Variants in PTCH2 observed in about 807,000 individuals in gnomAD.
PTCH2 encodes protein patched homolog 2.
In PTCH2, 96 loss-of-function variants were observed where a neutral mutation model predicts 117.9. The ratio of observed to expected loss-of-function variants is 0.81; its 90% CI spans 0.69 to 0.96. The LOEUF is 0.96. Among genes scored for constraint, PTCH2 ranks in the 50% least tolerant of loss-of-function variants. The probability of loss-of-function intolerance (pLI) is 0.00; values close to 1 mark genes in which losing one functional copy is unlikely to be tolerated. For synonymous variants in PTCH2, 615 were observed against 660.9 expected (o/e 0.93, Z 1.06); for missense variants, 1,379 against 1,562.5 (o/e 0.88, Z 1.98).
At position 44,823,027 on chromosome 1, in the gene PTCH2, C is replaced by G. The variant is rs1050892723; in HGVS notation, c.3357+42G>C. The G allele has an allele frequency of 6.3e-7, 1 of 1,590,028 alleles. No individual in the cohort carries two copies. The highest frequency in any genetic ancestry group is 1.8e-5 in the Admixed American group (1 of 56,378). On this transcript the variant is annotated intron_variant, in intron 21 of 21. Coordinates refer to ENST00000372192, the MANE Select transcript of PTCH2 (RefSeq NM_003738.5). The surrounding 1 kb of genome is among the most constrained non-coding windows in gnomAD (Gnocchi z 5.1). Reference sequence around the variant, plus strand: ...TCCCTTGCCTCTCCCTACCCCGTCCCTTGGGCTGGGAGTAGAGGGATGGTG... The same window carrying G: ...TCCCTTGCCTCTCCCTACCCCGTCCGTTGGGCTGGGAGTAGAGGGATGGTG...
Position 44,831,035 on chromosome 1 carries a change from G to C in PTCH2, c.626C>G (p.Pro209Arg), listed in dbSNP as rs372348401. The C allele has an allele frequency of 9.3e-6, 15 of 1,610,896 alleles. No individual in the cohort carries two copies. The African/African-American group carries it at 1.7e-4, about 19-fold the overall frequency. Residue 209 changes from proline to arginine, a missense_variant, in exon 6 of 22, where the codon CCG becomes CGG. Transcript: ENST00000372192. This position sits in a 1 kb window ranked among gnomAD's most constrained non-coding sequence, Gnocchi z 4.3. Reference sequence around the variant, plus strand: ...ATCCAGGTTGGTCCACTGGATATCCGGGCGGCCGCTGAGGGAAAAGCCTAT... The same window carrying C: ...ATCCAGGTTGGTCCACTGGATATCCCGGCGGCCGCTGAGGGAAAAGCCTAT... ...QGGSAYLPGR[P>R]DIQWTNLDPE...
At chr1:44,827,783 C>A in intron 14 of PTCH2, 60 bp downstream of exon 14, 2 of 1,611,688 alleles carry the variant, frequency 1.2e-6, no homozygotes, top group Non-Finnish European at 1.7e-6. Context: ...TGGACTAAGC[C>A]CTCTCTGCCC....
rs759340277 is a variant in PTCH2, at chr1:44,829,986, G to T, written c.858C>A (p.Phe286Leu). 1 of 1,613,918 alleles carries T rather than the reference G, an allele frequency of 6.2e-7. No homozygotes were observed. The highest frequency in any genetic ancestry group is 8.5e-7 in the Non-Finnish European group (1 of 1,179,990). ...AHELSGGCHG[F>L]SHKFMHWQEE... is the part of the protein sequence containing the mutation. The stretch of plus-strand genomic sequence containing the variant: ...CCTGCCAGTGCATGAATTTGTGGGA[G>T]AAGCCATGGCAGCCCCCACTCAGCT... The change falls in exon 7 of 22, where the codon TTC becomes TTA. Residue 286 changes from phenylalanine (F) to leucine (L), a missense_variant. Physicochemically the swap from Phe to Leu is conservative, Grantham distance 22. Coordinates refer to ENST00000372192, the MANE Select transcript of PTCH2 (RefSeq NM_003738.5).
chr1:44,828,746 G>A, intron 11 of PTCH2, 115 bp from the exon 12 acceptor site: 1 of 1,439,008 alleles, frequency 6.9e-7, no homozygotes, highest in South Asian at 1.2e-5. Flanking sequence ...TCATAACACA[G>A]TGGCTAGCAT....
In PTCH2 at chr1:44,826,874, C is replaced by T. The variant is rs749075155; in HGVS notation, c.2695+28G>A. ...AGGGCTTGTGTGGGCGAGGCTGAGG[C>T]TCTTGCCGAGCTCCCCCCAAGACTC... is the stretch of plus-strand genomic sequence containing the variant. On this transcript the variant is annotated intron_variant, in intron 17 of 21. Transcript: ENST00000372192. This position sits in a 1 kb window ranked among gnomAD's most constrained non-coding sequence, Gnocchi z 5.1. 7 of 1,613,640 alleles carry T rather than the reference C, an allele frequency of 4.3e-6. No homozygotes were observed. The African/African-American group carries it at 9.3e-5, about 22-fold the overall frequency.
At chr1:44,819,923 C>T (rs572881320), downstream of PTCH2, 9 of 153,364 alleles carry the variant, frequency 5.9e-5, no homozygotes, top group Admixed American at 4.5e-4. Context: ...TGAATAAAAA[C>T]TCACAACTTT....
Position 44,827,222 on chromosome 1 carries a change from G to A in PTCH2, c.2459C>T (p.Ala820Val), listed in dbSNP as rs140437473. ...TCCAGTCTGGATGAGCAGCTTGTAGGCCAGGGCCCCATCCTCAGAGCCATT... is the reference window on the plus strand; with the variant it reads ...TCCAGTCTGGATGAGCAGCTTGTAGACCAGGGCCCCATCCTCAGAGCCATT... The part of the protein sequence containing the change: ...YRNGSEDGAL[A>V]YKLLIQTGDA... The change falls in exon 16 of 22, where the codon GCC becomes GTC. Residue 820 changes from alanine to valine, a missense_variant. By Grantham distance (64) the Ala-to-Val change is moderately conservative. Transcript: ENST00000372192. 6.6e-5 allele frequency: 106 copies of A among 1,613,996 alleles called. No homozygotes were observed. The highest frequency in any genetic ancestry group is 8.8e-5 in the Non-Finnish European group (104 of 1,180,022).
Position 44,822,393 on chromosome 1 carries a change from T to C in PTCH2, c.*22A>G, listed in dbSNP as rs1311030093. 6.2e-7 allele frequency: 1 copy of C among 1,613,178 alleles called. No individual in the cohort carries two copies. Among genetic ancestry groups the C allele is most frequent in the East Asian group, 2.2e-5 (1 of 44,900 alleles). On this transcript the variant is annotated 3_prime_UTR_variant, in exon 22 of 22. Transcript: ENST00000372192. Reference sequence around the variant, plus strand: ...GTGACCCCACACGCCCCACACATGGTCTCTGTGCTTCAGCTGCTCTTTCAC... The same window carrying C: ...GTGACCCCACACGCCCCACACATGGCCTCTGTGCTTCAGCTGCTCTTTCAC...
At chr1:44,839,183 G>A (rs1431514430) in intron 2 of PTCH2, among the ~76,000 whole-genome samples, 2 of 152,030 alleles carry the variant, frequency 1.3e-5, no homozygotes, top group African/African-American at 4.8e-5. Context: ...GGCCAGCATG[G>A]CCAACATGGT....
chr1:44,842,302 C>A (rs1282660235), intron 1 of PTCH2, among the ~76,000 whole-genome samples: 1 of 133,256 alleles, frequency 7.5e-6, no homozygotes, highest in Non-Finnish European at 1.6e-5. Flanking sequence ...TTTTTTGAGA[C>A]GCAGTCTCGC....
Position 44,830,906 on chromosome 1 carries a change from C to A in PTCH2, c.755G>T (p.Cys252Phe), listed in dbSNP as rs756377856. 5 of 1,581,656 alleles carry A rather than the reference C, an allele frequency of 3.2e-6. No individual in the cohort carries two copies. The African/African-American group carries it at 6.7e-5, about 21-fold the overall frequency. ...GCAGTGGAGGTCATCAGGGTGCAGA[C>A]AGGGCCGCCCCACGTAGGCCTGGCC... ...QVGQAYVGRP[C>F]LHPDDLHCPP... is the part of the protein sequence containing the mutation. Residue 252 changes from cysteine to phenylalanine, a missense_variant, in exon 6 of 22, where the codon TGT (cysteine) becomes TTT (phenylalanine). Transcript: ENST00000372192.
intron 2 of PTCH2, among the ~76,000 whole-genome samples, chr1:44,836,773 T>TACAA (rs531275917): frequency 6.9e-4 from 105 of 151,892 alleles, no homozygotes; most frequent in Middle Eastern, 3.4e-3. Flanking sequence ...ACTGCGTCTC[T>TACAA]ACAAACAAAC....
At chr1:44,820,940 G>A (rs543401800), downstream of PTCH2, among the ~76,000 whole-genome samples, 54 of 152,264 alleles carry the variant, frequency 3.5e-4, no homozygotes, top group African/African-American at 1.3e-3. Flanking sequence ...CCAACTACCC[G>A]CTTCTCTTGA....
In PTCH2 at chr1:44,827,775, G is replaced by A. The variant is rs1312413674; in HGVS notation, c.2059-61C>T. 16 of 1,611,416 alleles carry A rather than the reference G, an allele frequency of 9.9e-6. No individual in the cohort carries two copies. In the East Asian group the frequency reaches 3.3e-4, roughly 34 times the overall value. ...GCTGCCCCCAGCCCCTCAGGCAGTGGACTAAGCCCTCTCTGCCCTTCTGGG... is the reference window on the plus strand; with the variant it reads ...GCTGCCCCCAGCCCCTCAGGCAGTGAACTAAGCCCTCTCTGCCCTTCTGGG... On this transcript the variant is annotated intron_variant, in intron 14 of 21. Transcript: ENST00000372192.
In PTCH2 at chr1:44,831,119, T is replaced by C; in HGVS notation, c.618-76A>G. On this transcript the variant is annotated intron_variant, in intron 5 of 21. Transcript: ENST00000372192. This position sits in a 1 kb window ranked among gnomAD's most constrained non-coding sequence, Gnocchi z 4.3. ...CCAAACTGCTGCTGGGGCGCCATGC[T>C]GTACCCCACCCTCCTCTTATCTGCC... The C allele has an allele frequency of 7.1e-7, 1 of 1,400,368 alleles. No homozygotes were observed. Among genetic ancestry groups the C allele is most frequent in the African/African-American group, 1.4e-5 (1 of 70,190 alleles). 86.7% of individuals were successfully genotyped at this position (1,400,368 alleles called of 1,614,324 possible).
downstream of PTCH2, chr1:44,821,768 G>A: frequency 7.6e-7 from 1 of 1,308,328 alleles, no homozygotes. Context: ...ACTTAATCCA[G>A]ATGATGTTAC....
Position 44,829,629 on chromosome 1 carries a change from C to T in PTCH2, c.1068G>A (p.Gln356=), listed in dbSNP as rs1233655313. ...EQASTVLQAW[Q]RRFVQLAQEA... ...CCATACCGACCTGCACAAAGCGCCGCTGCCAGGCTTGTAGCACTGTGCTGG... is the reference window on the plus strand; with the variant it reads ...CCATACCGACCTGCACAAAGCGCCGTTGCCAGGCTTGTAGCACTGTGCTGG... Residue 356 remains glutamine (Q), a synonymous_variant, in exon 8 of 22, where the codon CAG becomes CAA. Transcript: ENST00000372192. 1 of 1,614,258 alleles carries T rather than the reference C, an allele frequency of 6.2e-7. No homozygotes were observed. The highest frequency in any genetic ancestry group is 8.5e-7 in the Non-Finnish European group (1 of 1,180,052).
At chr1:44,838,399 G>A (rs1447691470) in intron 2 of PTCH2, among the ~76,000 whole-genome samples, 5 of 151,756 alleles carry the variant, frequency 3.3e-5, no homozygotes, top group East Asian at 2.0e-4. Context: ...GCACCACCAC[G>A]CCTGGCTAAT....
intron 19 of PTCH2, among the ~76,000 whole-genome samples, chr1:44,824,085 CAG>C (rs1557641999): frequency 1.3e-5 from 2 of 152,182 alleles, no homozygotes; most frequent in East Asian, 1.9e-4. Context: ...AGAGTTGCAG[CAG>C]AGACTCTATG....
Sources: gnomAD v4.1 joint callset for allele counts (sites outside exome capture counted in the v4.1 genomes callset) on GRCh38, gnomAD v4.1.1 for gene constraint, Gnocchi (gnomAD v3.1) non-coding constraint, MANE v1.5 for transcripts, NCBI Gene and HGNC (gene_info 2026-07-23, HGNC 2026-07-21) for gene names.